MYOM2: variants seen among roughly 807,000 people sequenced by gnomAD.
The protein encoded by MYOM2 is myomesin 2, also known as myomesin-2.
A neutral mutation model predicts 187.6 loss-of-function variants in MYOM2; 254 were observed. The ratio of observed to expected loss-of-function variants is 1.35; its 90% confidence interval spans 1.22 to 1.50. MYOM2 has a LOEUF of 1.50. Ranked by LOEUF, MYOM2 falls within the 40% of genes most tolerant of loss-of-function variation. MYOM2 has a pLI of 0.00. For synonymous variants in MYOM2, 981 were observed against 753.8 expected (o/e 1.30, Z -4.94); for missense variants, 2,796 against 1,924.0 (o/e 1.45, Z -8.48).
intron 10 of MYOM2, among the ~76,000 whole-genome samples, chr8:2,074,515 C>T (rs949156643): frequency 2.0e-5 from 3 of 152,012 alleles, no homozygotes; most frequent in East Asian, 1.9e-4. Context: ...AGTGCAGTGG[C>T]GCGACCTCGG....
chr8:2,059,108 A>G, intron 5 of MYOM2, 45 bp from the exon 6 acceptor site: 1 of 1,551,750 alleles, frequency 6.4e-7, no homozygotes, highest in Non-Finnish European at 8.9e-7. Flanking sequence ...ACACACACAA[A>G]ATACAACTCT....
At chr8:2,085,509 C>T (rs62478375) in intron 14 of MYOM2, 119 bp downstream of exon 14, 109,532 of 421,700 alleles carry the variant, frequency 0.26, 24,057 homozygotes, top group Non-Finnish European at 0.27. Context: ...TTGTGATCTC[C>T]GCGTGGCCCC....
Position 2,102,920 on chromosome 8 carries a change from C to G in MYOM2, c.2734+139C>G, listed in dbSNP as rs1191463795. ...GTTATGTGTGTATGTGTGGATGGGT[C>G]TGTAGATAAATGAATGGGAGAGTGT... On this transcript the variant is annotated intron_variant, in intron 21 of 36. Coordinates refer to ENST00000262113, the MANE Select transcript of MYOM2 (RefSeq NM_003970.4). 7.7e-6 allele frequency: 5 copies of G among 648,506 alleles called. No individual in the cohort carries two copies. In the African/African-American group the frequency reaches 9.3e-5, roughly 12 times the overall value. The allele number at this position is 648,506 out of a possible 1,614,324, so 40.2% of individuals were successfully genotyped here.
chr8:2,096,254 G>GTCCCA lies in MYOM2; in HGVS notation c.2137_2141dup (p.Tyr715IlefsTer15). 1.2e-6 allele frequency: 2 copies of GTCCCA among 1,613,836 alleles called. No homozygotes were observed. Among genetic ancestry groups the GTCCCA allele is most frequent in the Non-Finnish European group, 1.7e-6 (2 of 1,179,920 alleles). On this transcript the variant is annotated frameshift_variant, in exon 18 of 37. Coordinates refer to ENST00000262113, the MANE Select transcript of MYOM2 (RefSeq NM_003970.4). LOFTEE classifies it high-confidence loss of function. Reference sequence around the variant, plus strand: ...GGTTGTGCTTCCTTGCAGCCGTCCCGTCCCATCCTTATGGGATTACGCTCC... The same window carrying GTCCCA: ...GGTTGTGCTTCCTTGCAGCCGTCCCGTCCCATCCCATCCTTATGGGATTACGCTCC...
rs781210988 is a variant in MYOM2 at position 2,137,216 on chromosome 8, C to T, written c.3801-3507C>T. On this transcript the variant is annotated intron_variant, in intron 32 of 36. Coordinates refer to ENST00000262113, the MANE Select transcript of MYOM2 (RefSeq NM_003970.4). ...TGATCAAGAAAACATTGTCTTCTCC[C>T]TAACACCCACGTGATGTGTGGGAGG... 2.0e-5 allele frequency among the ~76,000 whole-genome samples: 3 copies of T among 151,714 alleles called. No individual in the cohort carries two copies. The East Asian group carries it at 5.8e-4, about 29-fold the overall frequency.
chr8:2,055,834 G>A (rs967348627), intron 3 of MYOM2, among the ~76,000 whole-genome samples: 3 of 152,138 alleles, frequency 2.0e-5, no homozygotes, highest in South Asian at 2.1e-4. Context: ...CTGGACAGCC[G>A]TGATGCTACG....
chr8:2,059,412 C>G (rs1242034944), intron 6 of MYOM2, among the ~76,000 whole-genome samples, 167 bp downstream of exon 6: 1 of 152,122 alleles, frequency 6.6e-6, no homozygotes, highest in Admixed American at 6.5e-5. Context: ...TTGGAAGCTT[C>G]CCTTTGTTTT....
chr8:2,126,057 A>G (rs939757864), intron 31 of MYOM2, among the ~76,000 whole-genome samples: 2 of 152,184 alleles, frequency 1.3e-5, no homozygotes, highest in African/African-American at 4.8e-5. Flanking sequence ...ATATCTCATA[A>G]TGTGTCCAAG....
intron 31 of MYOM2, 102 bp from the exon 32 acceptor site, chr8:2,129,025 G>C: frequency 2.7e-6 from 2 of 732,980 alleles, no homozygotes; most frequent in Non-Finnish European, 4.8e-6. Flanking sequence ...AGTGAGAACA[G>C]GATTGCAGGT....
intron 15 of MYOM2, among the ~76,000 whole-genome samples, chr8:2,090,955 A>C (rs913847151): frequency 1.3e-5 from 2 of 148,554 alleles, no homozygotes; most frequent in African/African-American, 2.5e-5. Context: ...TTTATGGTAG[A>C]ATGATTTATA....
intron 32 of MYOM2, among the ~76,000 whole-genome samples, chr8:2,132,298 G>A (rs1014563771): frequency 1.3e-5 from 2 of 149,290 alleles, no homozygotes; most frequent in Non-Finnish European, 2.9e-5. Context: ...TGTGAAATGC[G>A]GACGTAAGCA....
At chr8:2,083,224 C>A (rs1819689981) in intron 13 of MYOM2, among the ~76,000 whole-genome samples, 1 of 152,132 alleles carries the variant, frequency 6.6e-6, no homozygotes, top group African/African-American at 2.4e-5. Flanking sequence ...TGACTTGGCC[C>A]AATACTCAAT....
intron 32 of MYOM2, among the ~76,000 whole-genome samples, chr8:2,137,261 T>A (rs73657781): frequency 6.6e-6 from 1 of 151,796 alleles, no homozygotes; most frequent in Non-Finnish European, 1.5e-5. Context: ...CACAGGGTGA[T>A]GAGCTCACAC....
At chr8:2,106,713 T>G in intron 23 of MYOM2, 116 bp downstream of exon 23, 2 of 750,836 alleles carry the variant, frequency 2.7e-6, no homozygotes, top group Non-Finnish European at 4.3e-6. Flanking sequence ...TGCAGGAGGC[T>G]GGCGGTGGGG....
intron 21 of MYOM2, among the ~76,000 whole-genome samples, chr8:2,104,565 A>T (rs576174683): frequency 6.6e-6 from 1 of 151,874 alleles, no homozygotes; most frequent in African/African-American, 2.4e-5. Context: ...AGATCGCGCC[A>T]CTGCACTCTA....
chr8:2,130,984 C>G (rs1011177135), intron 32 of MYOM2, among the ~76,000 whole-genome samples: 3 of 152,196 alleles, frequency 2.0e-5, no homozygotes, highest in African/African-American at 7.2e-5. Flanking sequence ...TACACACTTG[C>G]AATGTGTGTC....
intron 28 of MYOM2, among the ~76,000 whole-genome samples, chr8:2,122,773 A>G (rs973253458): frequency 2.0e-5 from 3 of 152,210 alleles, no homozygotes; most frequent in Non-Finnish European, 4.4e-5. Flanking sequence ...AGTATAGGGA[A>G]GGTCCTCACC....
intron 15 of MYOM2, among the ~76,000 whole-genome samples, chr8:2,091,241 A>G (rs1796293207): frequency 6.6e-6 from 1 of 151,862 alleles, no homozygotes; most frequent in South Asian, 2.1e-4. Context: ...ATAGAGTTTC[A>G]CCATATTGCC....
chr8:2,140,906 G>A lies in MYOM2; in HGVS notation c.3964+20G>A, dbSNP rs771855620. 7.6e-6 allele frequency: 12 copies of A among 1,583,090 alleles called. No individual in the cohort carries two copies. In the South Asian group the frequency reaches 8.1e-5, roughly 11 times the overall value. On this transcript the variant is annotated intron_variant, in intron 33 of 36. Coordinates refer to ENST00000262113, the MANE Select transcript of MYOM2 (RefSeq NM_003970.4). ...GACAAGGTAAGAGAATTCTTCTTTA[G>A]CATTTAATAATTTCCTATTTAGAAA...
Sources: allele counts gnomAD v4.1 joint callset (sites outside exome capture counted in the v4.1 genomes callset), GRCh38; gene constraint gnomAD v4.1.1; transcripts MANE v1.5; gene names NCBI Gene and HGNC (gene_info 2026-07-23, HGNC 2026-07-21).